Variants in HIBADH observed in about 807,000 individuals in gnomAD.
HIBADH encodes 3-hydroxyisobutyrate dehydrogenase, mitochondrial.
HIBADH carries 25 observed loss-of-function variants against 36.1 expected under a neutral mutation model. The ratio of observed to expected loss-of-function variants is 0.69; its 90% CI spans 0.50 to 0.97. The LOEUF (loss-of-function observed/expected upper bound fraction) is 0.97, where lower values mean the gene tolerates loss of function less well. Among genes scored for constraint, HIBADH ranks in the 50% least tolerant of loss-of-function variants. The pLI, the probability that HIBADH is intolerant of heterozygous loss-of-function variation, is 0.00. For missense variants in HIBADH, 421 were observed against 418.0 expected, an observed-to-expected ratio of 1.01 and a Z score of -0.06; for synonymous variants, 160 against 149.5, an observed-to-expected ratio of 1.07 and a Z score of -0.51.
chr7:27,548,488 G>A lies in HIBADH; in HGVS notation c.485-5388C>T, dbSNP rs369839619. 7.5e-3 allele frequency among the ~76,000 whole-genome samples: 1,149 copies of A among 152,240 alleles called. 7 individuals are homozygous for A. Among genetic ancestry groups the A allele is most frequent in the Admixed American group, 0.014 (212 of 15,292 alleles). On this transcript the variant is annotated intron_variant, in intron 4 of 7. Coordinates refer to ENST00000265395, the MANE Select transcript of HIBADH (RefSeq NM_152740.4). Reference sequence around the variant, plus strand: ...GATTCATGCTATTAGAGGGCATACAGTTGTACAAAGGTCCAAAGAGGAAAA... The same window carrying A: ...GATTCATGCTATTAGAGGGCATACAATTGTACAAAGGTCCAAAGAGGAAAA...
chr7:27,662,564 T>A, intron 1 of HIBADH, 134 bp downstream of exon 1: 1 of 475,582 alleles, frequency 2.1e-6, no homozygotes, highest in Non-Finnish European at 3.6e-6. Flanking sequence ...AGGCCTTTAG[T>A]ACCAGCCAAA....
chr7:27,556,103 A>G (rs1021897024), intron 4 of HIBADH, among the ~76,000 whole-genome samples: 4 of 151,642 alleles, frequency 2.6e-5, no homozygotes, highest in Non-Finnish European at 5.9e-5. Flanking sequence ...AACGTCCACC[A>G]TAAGTTACTA....
At chr7:27,615,780 C>A (rs1785414421) in intron 4 of HIBADH, among the ~76,000 whole-genome samples, 1 of 152,058 alleles carries the variant, frequency 6.6e-6, no homozygotes, top group Non-Finnish European at 1.5e-5. Flanking sequence ...GAGTATAATC[C>A]TTCTATTGAT....
intron 4 of HIBADH, among the ~76,000 whole-genome samples, chr7:27,571,597 T>C (rs1382979378): frequency 2.0e-5 from 3 of 152,180 alleles, no homozygotes; most frequent in African/African-American, 7.2e-5. Context: ...TATCTACAGT[T>C]CGTAGAGATT....
At chr7:27,583,220 C>T (rs185533492) in intron 4 of HIBADH, among the ~76,000 whole-genome samples, 2 of 152,016 alleles carry the variant, frequency 1.3e-5, no homozygotes, top group African/African-American at 2.4e-5. Flanking sequence ...ACAGATACAC[C>T]GCTATTATAC....
chr7:27,629,135 C>T (rs1785700613), intron 4 of HIBADH, among the ~76,000 whole-genome samples: 1 of 151,738 alleles, frequency 6.6e-6, no homozygotes, highest in African/African-American at 2.4e-5. Context: ...AGTAAATGGA[C>T]CAAAAATTCA....
chr7:27,619,739 T>C (rs368701975), intron 4 of HIBADH, among the ~76,000 whole-genome samples: 11 of 152,272 alleles, frequency 7.2e-5, no homozygotes, highest in Non-Finnish European at 1.2e-4. Context: ...AACTTGAAGA[T>C]AGATTTTTTG....
intron 4 of HIBADH, among the ~76,000 whole-genome samples, chr7:27,565,375 G>GT (rs1294791584): frequency 6.6e-6 from 1 of 152,166 alleles, no homozygotes; most frequent in Non-Finnish European, 1.5e-5. Context: ...CTTGGGAACT[G>GT]TAAGTAATAA....
Position 27,620,959 on chromosome 7 carries a change from AAAC to A in HIBADH, c.484+8409_484+8411del, listed in dbSNP as rs975989277. Among the ~76,000 whole-genome samples the A allele has an allele frequency of 8.5e-5, 13 of 152,262 alleles. 1 individual carries two copies. The highest frequency in any genetic ancestry group is 3.1e-4 in the African/African-American group (13 of 41,574). The stretch of plus-strand genomic sequence containing the variant: ...AAAGGTTGAATGGATTTAAAAAAAA[AAAC>A]AATCCAACTGCTTACAAGAAACTCA... On this transcript the variant is annotated intron_variant, in intron 4 of 7. Transcript: ENST00000265395.
At chr7:27,577,789 T>A (rs1243345310) in intron 4 of HIBADH, among the ~76,000 whole-genome samples, 1 of 152,196 alleles carries the variant, frequency 6.6e-6, no homozygotes, top group Non-Finnish European at 1.5e-5. Flanking sequence ...AAATTTGAGA[T>A]GTAAATAAAA....
intron 4 of HIBADH, among the ~76,000 whole-genome samples, chr7:27,620,385 G>A (rs1046678968): frequency 6.6e-6 from 1 of 151,874 alleles, no homozygotes; most frequent in South Asian, 2.1e-4. Flanking sequence ...CCTATAAAGG[G>A]ACCCCCATAA....
chr7:27,653,292 T>C (rs1786231338), intron 1 of HIBADH, among the ~76,000 whole-genome samples: 1 of 152,166 alleles, frequency 6.6e-6, no homozygotes, highest in Admixed American at 6.5e-5. Context: ...GATTGGATTA[T>C]AGGCTAAAAT....
chr7:27,552,158 A>C (rs1216485274), intron 4 of HIBADH, among the ~76,000 whole-genome samples: 1 of 152,184 alleles, frequency 6.6e-6, no homozygotes, highest in Non-Finnish European at 1.5e-5. Context: ...TGCCGTGCAC[A>C]ATCAGTTTAG....
At chr7:27,643,743 C>T (rs1355108225) in intron 2 of HIBADH, among the ~76,000 whole-genome samples, 2 of 152,214 alleles carry the variant, frequency 1.3e-5, no homozygotes, top group Admixed American at 6.5e-5. Flanking sequence ...ATCAAGGTGT[C>T]AAGAGAGACA....
intron 4 of HIBADH, among the ~76,000 whole-genome samples, chr7:27,613,089 T>C (rs1266779683): frequency 1.6e-5 from 2 of 121,608 alleles, no homozygotes; most frequent in East Asian, 2.4e-4. Flanking sequence ...AAAAATTATA[T>C]AAATTATAAT....
chr7:27,596,978 T>C (rs1270516285), intron 4 of HIBADH, among the ~76,000 whole-genome samples: 1 of 152,176 alleles, frequency 6.6e-6, no homozygotes, highest in Non-Finnish European at 1.5e-5. Context: ...AAAAAGTGTG[T>C]ATATGCATAT....
intron 4 of HIBADH, among the ~76,000 whole-genome samples, chr7:27,581,682 A>T (rs748784239): frequency 6.6e-6 from 1 of 152,154 alleles, no homozygotes; most frequent in Non-Finnish European, 1.5e-5. Context: ...TTATATACTT[A>T]TCGCTTTTTC....
intron 3 of HIBADH, among the ~76,000 whole-genome samples, chr7:27,629,810 C>A (rs997475076): frequency 6.6e-6 from 1 of 151,990 alleles, no homozygotes; most frequent in Non-Finnish European, 1.5e-5. Flanking sequence ...AAGATGTAAG[C>A]AATTTAAAAC....
chr7:27,529,775 C>T (rs1332827172), intron 7 of HIBADH, among the ~76,000 whole-genome samples: 2 of 152,170 alleles, frequency 1.3e-5, no homozygotes, highest in Non-Finnish European at 2.9e-5. Flanking sequence ...GGGTAAAATG[C>T]TATCAAACAG....
Sources: gnomAD v4.1 joint callset for allele counts (sites outside exome capture counted in the v4.1 genomes callset) on GRCh38, gnomAD v4.1.1 for gene constraint, MANE v1.5 for transcripts, NCBI Gene and HGNC (gene_info 2026-07-23, HGNC 2026-07-21) for gene names.